CYP2J2: variants seen among roughly 807,000 people sequenced by gnomAD.
CYP2J2 encodes cytochrome P450 2J2.
In CYP2J2, 41 loss-of-function variants were observed where a neutral mutation model predicts 48.8. The ratio of observed to expected loss-of-function variants is 0.84; its 90% CI spans 0.66 to 1.09. The LOEUF is 1.09. CYP2J2 is among the 50% of genes least tolerant of loss of function. The probability of loss-of-function intolerance (pLI) is 0.00; values close to 1 mark genes in which losing one functional copy is unlikely to be tolerated. For missense variants in CYP2J2, 644 were observed against 617.3 expected (o/e 1.04, Z -0.46); for synonymous variants, 221 against 227.1 (o/e 0.97, Z 0.24).
At chr1:59,965,848 C>T in the CYP2J2 span, among the ~76,000 whole-genome samples, 3 of 152,060 alleles carry the variant, frequency 2.0e-5, no homozygotes, top group South Asian at 2.1e-4. Context: ...GACGGGGCTT[C>T]GTCATGTTGG....
In CYP2J2 at chr1:59,912,268, C is replaced by T. The variant is rs1416082385; in HGVS notation, c.417G>A (p.Arg139=). The T allele has an allele frequency of 6.2e-7, 1 of 1,613,742 alleles. No individual in the cohort carries two copies. Among genetic ancestry groups the T allele is most frequent in the Non-Finnish European group, 8.5e-7 (1 of 1,179,846 alleles). The change falls in exon 3 of 9, where the codon AGG becomes AGA. Residue 139 remains arginine, a synonymous_variant. Transcript: ENST00000371204. ...SSGQAWKEQR[R]FTLTALRNFG... is the part of the protein sequence containing the mutation. ...AGTTCCTTAGTGCTGTCAGAGTGAA[C>T]CTTCTTTGCTCCTTCCATGCCTGGC...
the CYP2J2 span, among the ~76,000 whole-genome samples, chr1:59,935,393 T>C: frequency 4.0e-5 from 6 of 151,354 alleles, no homozygotes; most frequent in Non-Finnish European, 7.4e-5. Flanking sequence ...GGGTAGATCT[T>C]AAGTATTCTC....
chr1:59,949,865 C>T, the CYP2J2 span, among the ~76,000 whole-genome samples: 20 of 152,108 alleles, frequency 1.3e-4, no homozygotes, highest in South Asian at 4.0e-3. Context: ...CTCAGTACCA[C>T]CCCAGGACTT....
At chr1:59,944,160 A>AT in the CYP2J2 span, among the ~76,000 whole-genome samples, 2 of 152,236 alleles carry the variant, frequency 1.3e-5, no homozygotes, top group Non-Finnish European at 2.9e-5. Context: ...TACAATGAGC[A>AT]TTGGTATTGT....
chr1:59,960,756 T>G, the CYP2J2 span, among the ~76,000 whole-genome samples: 3 of 152,100 alleles, frequency 2.0e-5, no homozygotes, highest in African/African-American at 7.2e-5. Flanking sequence ...AGCAGGAGAA[T>G]TACTTGAACC....
chr1:59,936,526 C>T, the CYP2J2 span, among the ~76,000 whole-genome samples: 2 of 152,250 alleles, frequency 1.3e-5, no homozygotes, highest in African/African-American at 4.8e-5. Context: ...TATTTTTTCC[C>T]TTAAACACAT....
At chr1:59,916,216 T>A in intron 1 of CYP2J2, 116 bp from the exon 2 acceptor site, 1 of 760,318 alleles carries the variant, frequency 1.3e-6, no homozygotes, top group Non-Finnish European at 2.1e-6. Context: ...TCTGTGTCTG[T>A]GTGTGTACGT....
the CYP2J2 span, among the ~76,000 whole-genome samples, chr1:59,966,670 TAAG>T: frequency 6.6e-6 from 1 of 152,132 alleles, no homozygotes; most frequent in Non-Finnish European, 1.5e-5. Flanking sequence ...TGGGGCCAAT[TAAG>T]AAAACAAAAA....
At chr1:59,895,751 T>C (rs1363846192) in intron 8 of CYP2J2, among the ~76,000 whole-genome samples, 1 of 152,212 alleles carries the variant, frequency 6.6e-6, no homozygotes, top group Non-Finnish European at 1.5e-5. Context: ...CTGCACCCAC[T>C]AACTCGTCAT....
the CYP2J2 span, among the ~76,000 whole-genome samples, chr1:59,945,428 A>C: frequency 7.0e-6 from 1 of 143,150 alleles, no homozygotes; most frequent in African/African-American, 2.5e-5. Flanking sequence ...CTATCTATCT[A>C]TCTATCTATC....
intron 1 of CYP2J2, among the ~76,000 whole-genome samples, chr1:59,916,792 G>C (rs1574258174): frequency 6.6e-6 from 1 of 151,964 alleles, no homozygotes; most frequent in African/African-American, 2.4e-5. Context: ...CTAGTGAATA[G>C]AGAGAATTCA....
chr1:59,947,739 T>C, the CYP2J2 span, among the ~76,000 whole-genome samples: 1 of 152,194 alleles, frequency 6.6e-6, no homozygotes, highest in African/African-American at 2.4e-5. Context: ...GTTCATAATC[T>C]GGGCCAGCTT....
rs368142392 is a variant in CYP2J2 at position 59,916,989 on chromosome 1, C to T, written c.211-889G>A. The stretch of plus-strand genomic sequence containing the variant: ...TAATAGAAACGTATGCTAGATAATA[C>T]GAGGTGCATTTTAGGGCAGGTGCCA... On this transcript the variant is annotated intron_variant, in intron 1 of 8. Coordinates refer to ENST00000371204, the MANE Select transcript of CYP2J2 (RefSeq NM_000775.4). Among the ~76,000 whole-genome samples the T allele has an allele frequency of 1.1e-4, 17 of 152,072 alleles. 1 individual carries two copies. Among genetic ancestry groups the T allele is most frequent in the African/African-American group, 1.9e-4 (8 of 41,424 alleles).
rs569141515 is a variant in CYP2J2 at position 59,926,657 on chromosome 1, G to A, written c.90C>T (p.Leu30=). ...TLLLGTVAFL[L]AADFLKRRRP... ...GCCGTCTTTTGAGAAAGTCAGCAGC[G>A]AGCAGAAAGGCGACAGTGCCCAGTA... Residue 30 remains leucine (L), a synonymous_variant, in exon 1 of 9, where the codon CTC becomes CTT. Transcript: ENST00000371204. 2 of 1,614,220 alleles carry A rather than the reference G, an allele frequency of 1.2e-6. No individual in the cohort carries two copies. The highest frequency in any genetic ancestry group is 2.2e-5 in the South Asian group (2 of 91,088).
At chr1:59,905,344 G>T (rs905883767) in intron 6 of CYP2J2, among the ~76,000 whole-genome samples, 1 of 152,166 alleles carries the variant, frequency 6.6e-6, no homozygotes, top group African/African-American at 2.4e-5. Context: ...CCACTTTCTG[G>T]TATACAAATG....
In CYP2J2 at chr1:59,904,897, T is replaced by A; in HGVS notation, c.1165A>T (p.Thr389Ser). 1 of 1,613,686 alleles carries A rather than the reference T, an allele frequency of 6.2e-7. No individual in the cohort carries two copies. Among genetic ancestry groups the A allele is most frequent in the Non-Finnish European group, 8.5e-7 (1 of 1,179,850 alleles). Residue 389 changes from threonine (T) to serine (S), a missense_variant, in exon 7 of 9, where the codon ACT becomes TCT. Physicochemically the swap from Thr to Ser is moderately conservative, Grantham distance 58. Coordinates refer to ENST00000371204, the MANE Select transcript of CYP2J2 (RefSeq NM_000775.4). ...NVPREVTVDT[T>S]LAGYHLPKGT... ...TTGGGCAGGTGGTACCCAGCCAAAG[T>A]GGTATCAACTGTCACTTCCCTGGGA...
chr1:59,907,092 C>G (rs920232580), intron 6 of CYP2J2, among the ~76,000 whole-genome samples: 1 of 152,054 alleles, frequency 6.6e-6, no homozygotes, highest in African/African-American at 2.4e-5. Context: ...TGTGGGGAAG[C>G]TATATATAGA....
At chr1:59,911,564 G>T in intron 4 of CYP2J2, 44 bp downstream of exon 4, 1 of 1,394,964 alleles carries the variant, frequency 7.2e-7, no homozygotes, top group Non-Finnish European at 9.5e-7. Context: ...GCTGACATCG[G>T]CCCCAATTTA....
intron 7 of CYP2J2, among the ~76,000 whole-genome samples, chr1:59,902,752 TG>T (rs2102110795): frequency 6.6e-6 from 1 of 152,304 alleles, no homozygotes; most frequent in South Asian, 2.1e-4. Flanking sequence ...TACTAAGTAC[TG>T]GGTTAAATGC....
Sources: allele counts gnomAD v4.1 joint callset (sites outside exome capture counted in the v4.1 genomes callset), GRCh38; gene constraint gnomAD v4.1.1; transcripts MANE v1.5; gene names NCBI Gene and HGNC (gene_info 2026-07-23, HGNC 2026-07-21).